Variants in PRSS57 observed in about 807,000 individuals in gnomAD.
The protein encoded by PRSS57 is neutrophil serine protease 4.
A neutral mutation model predicts 20.6 loss-of-function variants in PRSS57; 19 were observed. That is an observed-to-expected ratio of 0.92 (90% CI 0.64 to 1.35). The LOEUF is 1.35. Among genes scored for constraint, PRSS57 ranks in the 40% most tolerant of loss-of-function variants. The probability of loss-of-function intolerance (pLI) is 0.00; values close to 1 mark genes in which losing one functional copy is unlikely to be tolerated. For synonymous variants in PRSS57, 203 were observed against 176.6 expected (o/e 1.15, Z -1.19); for missense variants, 440 against 403.7 (o/e 1.09, Z -0.77).
intron 2 of PRSS57, among the ~76,000 whole-genome samples, chr19:693,439 C>T (rs529239395): frequency 9.9e-4 from 151 of 152,060 alleles, no homozygotes; most frequent in Non-Finnish European, 1.8e-3. Context: ...GACGGCTGCC[C>T]GTCTGGGCCT....
intron 2 of PRSS57, among the ~76,000 whole-genome samples, chr19:692,397 TG>T (rs1175791154): frequency 2.0e-5 from 3 of 150,282 alleles, no homozygotes; most frequent in African/African-American, 7.3e-5. Context: ...CAATTACTTT[TG>T]CATCAACTTA....
chr19:693,414 G>C (rs912971758), intron 2 of PRSS57, among the ~76,000 whole-genome samples: 4 of 151,940 alleles, frequency 2.6e-5, no homozygotes, highest in African/African-American at 9.7e-5. Flanking sequence ...AGGAGGGGGT[G>C]GGTGAGATGG....
intron 2 of PRSS57, among the ~76,000 whole-genome samples, chr19:692,448 A>T (rs1384556073): frequency 5.1e-5 from 2 of 39,090 alleles, no homozygotes; most frequent in African/African-American, 2.0e-4. Flanking sequence ...TTTTTGAGAC[A>T]GAGTCTCACT....
chr19:694,695 C>G (rs1437818736), intron 2 of PRSS57, 119 bp downstream of exon 2: 1 of 1,180,592 alleles, frequency 8.5e-7, no homozygotes, highest in Non-Finnish European at 1.2e-6. Context: ...AAATCCAGCC[C>G]CTGCTGAGAC....
Position 687,131 on chromosome 19 carries a change from T to G in PRSS57, c.436A>C (p.Arg146=), listed in dbSNP as rs750521982. 1.9e-6 allele frequency: 3 copies of G among 1,608,298 alleles called. No homozygotes were observed. The South Asian group carries it at 3.3e-5, about 18-fold the overall frequency. The change falls in exon 4 of 5, where the codon AGG becomes CGG. Residue 146 remains arginine, a synonymous_variant. Transcript: ENST00000329267. ...GTCCCCGCTGTGGGGGGCCTGGCCC[T>G]TCTCCCTGGCGGCCTCAGCAGCCCC... ...AVGLLRPPGR[R]ARPPTAGTRC...
intron 3 of PRSS57, 141 bp from the exon 4 acceptor site, chr19:687,329 G>C (rs1008896291): frequency 1.0e-6 from 1 of 994,260 alleles, no homozygotes; most frequent in Admixed American, 3.1e-5. Context: ...AGGAGGCCCC[G>C]TTCCTTCTGC....
At chr19:695,190 G>A (rs940817125) in intron 1 of PRSS57, among the ~76,000 whole-genome samples, 162 bp downstream of exon 1, 6 of 152,164 alleles carry the variant, frequency 3.9e-5, no homozygotes, top group African/African-American at 1.2e-4. Context: ...AGAGACCCCG[G>A]CCGGATTTCC....
intron 2 of PRSS57, among the ~76,000 whole-genome samples, chr19:693,206 C>T (rs1177938345): frequency 1.4e-5 from 2 of 145,198 alleles, no homozygotes; most frequent in Non-Finnish European, 3.0e-5. Flanking sequence ...GCCGGGATTA[C>T]AGGCGTGAGC....
intron 3 of PRSS57, among the ~76,000 whole-genome samples, chr19:689,793 C>T (rs2031586798): frequency 6.6e-6 from 1 of 152,168 alleles, no homozygotes; most frequent in Admixed American, 6.6e-5. Context: ...GTGGTACACG[C>T]CCGTGATCCC....
chr19:691,141 G>T, intron 3 of PRSS57: 1 of 213,324 alleles, frequency 4.7e-6, no homozygotes, highest in Non-Finnish European at 9.7e-6. Context: ...GAGTCTCCGT[G>T]CAGACGCCCG....
rs776136175 is a variant in PRSS57 at position 687,180 on chromosome 19, G to A, written c.387C>T (p.Gly129=). 3 of 1,546,784 alleles carry A rather than the reference G, an allele frequency of 1.9e-6. No individual in the cohort carries two copies. Among genetic ancestry groups the A allele is most frequent in the African/African-American group, 2.7e-5 (2 of 73,418 alleles). ...CCACTGCAGGGCCCAGGACAGCAGAGCCGTTCAGCTGCAGGGAGAGCATGA... is the reference window on the plus strand; with the variant it reads ...CCACTGCAGGGCCCAGGACAGCAGAACCGTTCAGCTGCAGGGAGAGCATGA... ...ANDICLLRLN[G]SAVLGPAVGL... is the part of the protein sequence containing the mutation. The change falls in exon 4 of 5, where the codon GGC becomes GGT. Residue 129 remains glycine (G), a synonymous_variant. Coordinates refer to ENST00000329267, the MANE Select transcript of PRSS57 (RefSeq NM_001308209.2).
chr19:687,679 TAC>T (rs1216075648), intron 3 of PRSS57, among the ~76,000 whole-genome samples: 1 of 152,138 alleles, frequency 6.6e-6, no homozygotes, highest in Non-Finnish European at 1.5e-5. Context: ...GTGCTGGGAT[TAC>T]AGAGTGAGCC....
intron 3 of PRSS57, among the ~76,000 whole-genome samples, chr19:687,838 GC>G (rs2031522082): frequency 6.6e-6 from 1 of 152,082 alleles, no homozygotes; most frequent in South Asian, 2.1e-4. Context: ...CTCCCCTTTG[GC>G]CAGGCAGGAT....
chr19:695,351 C>T lies in PRSS57; in HGVS notation c.79+1G>A. 7.9e-7 allele frequency: 1 copy of T among 1,269,516 alleles called. No homozygotes were observed. The highest frequency in any genetic ancestry group is 1.0e-6 in the Non-Finnish European group (1 of 1,003,350). 78.6% of individuals were successfully genotyped at this position (1,269,516 alleles called of 1,614,324 possible). A position where few individuals can be genotyped will look rare whatever the true frequency, so the allele number is the denominator to read the frequency against. On this transcript the variant is annotated splice_donor_variant, in intron 1 of 4. Transcript: ENST00000329267. LOFTEE classifies it high-confidence loss of function. Reference sequence around the variant, plus strand: ...GGTGGGGATCCCGGGGGGCTCCTCACCGGGGGGCTTCACGGGCAGCATCAG... The same window carrying T: ...GGTGGGGATCCCGGGGGGCTCCTCATCGGGGGGCTTCACGGGCAGCATCAG...
chr19:694,460 C>T (rs571996685), intron 2 of PRSS57, among the ~76,000 whole-genome samples: 13 of 150,952 alleles, frequency 8.6e-5, no homozygotes, highest in Non-Finnish European at 1.6e-4. Context: ...CCCAGCTACT[C>T]GGGAAGCTGA....
At position 694,892 on chromosome 19, in the gene PRSS57, A is replaced by C. The variant is rs911414866; in HGVS notation, c.155T>G (p.Phe52Cys). ...HSRPYMASVR[F>C]GGQHHCGGFL... ...GCCTCCGCAGTGATGTTGGCCCCCG[A>C]AGCGCACGGATGCCATGTAGGGCCT... Residue 52 changes from phenylalanine (F) to cysteine (C), a missense_variant, in exon 2 of 5, where the codon TTC (phenylalanine) becomes TGC (cysteine). Phe to Cys is a radical substitution (Grantham distance 205). Transcript: ENST00000329267. 2.5e-6 allele frequency: 4 copies of C among 1,604,206 alleles called. No homozygotes were observed. Among genetic ancestry groups the C allele is most frequent in the Middle Eastern group, 1.7e-4 (1 of 6,046 alleles).
At position 685,715 on chromosome 19, in the gene PRSS57, C is replaced by T. The variant is rs369038914; in HGVS notation, c.*1G>A. On this transcript the variant is annotated 3_prime_UTR_variant, in exon 5 of 5. Transcript: ENST00000329267. ...TCATTTGCATGCCGCAAGGTTGTGGCTCAGGCGGCTTCTCCTGGGGGCCTG... is the reference window on the plus strand; with the variant it reads ...TCATTTGCATGCCGCAAGGTTGTGGTTCAGGCGGCTTCTCCTGGGGGCCTG... 26 of 1,534,736 alleles carry T rather than the reference C, an allele frequency of 1.7e-5. No individual in the cohort carries two copies. In the African/African-American group the frequency reaches 3.4e-4, roughly 20 times the overall value.
chr19:693,544 G>T (rs112494006), intron 2 of PRSS57, among the ~76,000 whole-genome samples: 1 of 151,878 alleles, frequency 6.6e-6, no homozygotes, highest in Non-Finnish European at 1.5e-5. Flanking sequence ...GTAATTGCAC[G>T]AAAAAAATTA....
At chr19:690,895 C>T in intron 3 of PRSS57, 1 of 402,066 alleles carries the variant, frequency 2.5e-6, no homozygotes, top group Non-Finnish European at 4.7e-6. Flanking sequence ...TGTGCCTGAT[C>T]CCCGTGTCCG....
Sources: allele counts gnomAD v4.1 joint callset (sites outside exome capture counted in the v4.1 genomes callset), GRCh38; gene constraint gnomAD v4.1.1; transcripts MANE v1.5; gene names NCBI Gene and HGNC (gene_info 2026-07-23, HGNC 2026-07-21).